The following FAM210A variants were observed in gnomAD, a reference collection of about 807,000 sequenced individuals.
FAM210A encodes the protein family with sequence similarity 210 member A.
In FAM210A, 13 loss-of-function variants were observed where a neutral mutation model predicts 25.3. The ratio of observed to expected loss-of-function variants is 0.51; its 90% CI spans 0.33 to 0.82. The LOEUF is 0.82. FAM210A is among the 40% of genes least tolerant of loss of function. FAM210A has a pLI of 0.02. For missense variants in FAM210A, 319 were observed against 323.2 expected (o/e 0.99, Z 0.10); for synonymous variants, 125 against 118.7 (o/e 1.05, Z -0.35).
At chr18:13,715,626 A>G (rs1317903682) in intron 1 of FAM210A, among the ~76,000 whole-genome samples, 1 of 152,224 alleles carries the variant, frequency 6.6e-6, no homozygotes, top group Non-Finnish European at 1.5e-5. Context: ...ACATTACAAC[A>G]TTTTCCATAT....
At chr18:13,696,800 A>C (rs1188996219) in intron 1 of FAM210A, among the ~76,000 whole-genome samples, 1 of 152,230 alleles carries the variant, frequency 6.6e-6, no homozygotes, top group Non-Finnish European at 1.5e-5. Flanking sequence ...TTACTAAATA[A>C]ATTTTTAAAA....
intron 1 of FAM210A, among the ~76,000 whole-genome samples, chr18:13,693,206 T>C (rs2043663498): frequency 6.6e-6 from 1 of 152,142 alleles, no homozygotes; most frequent in Non-Finnish European, 1.5e-5. Flanking sequence ...AGGAAGACAC[T>C]GAATCCCTGA....
intron 1 of FAM210A, among the ~76,000 whole-genome samples, chr18:13,695,058 T>C (rs567339212): frequency 1.6e-4 from 25 of 152,166 alleles, no homozygotes; most frequent in Non-Finnish European, 2.5e-4. Context: ...GCAAAGGATA[T>C]GAAAAGACAC....
Position 13,681,874 on chromosome 18 carries a change from C to T in FAM210A, c.204G>A (p.Arg68=), listed in dbSNP as rs1447648644. The stretch of plus-strand genomic sequence containing the variant: ...GGGGTGGATGAGCATCCAATGGCCT[C>T]CTTTCCTTTGCAACACACTGGGCAG... ...LSAAQCVAKE[R]RPLDAHPPQP... The change falls in exon 2 of 4, where the codon AGG becomes AGA. Residue 68 remains arginine (R), a synonymous_variant. Coordinates refer to ENST00000651643, the MANE Select transcript of FAM210A (RefSeq NM_152352.4). 6.2e-7 allele frequency: 1 copy of T among 1,614,180 alleles called. No homozygotes were observed. The highest frequency in any genetic ancestry group is 2.2e-5 in the East Asian group (1 of 44,890).
At chr18:13,684,176 C>T (rs1601948869) in intron 1 of FAM210A, among the ~76,000 whole-genome samples, 1 of 152,280 alleles carries the variant, frequency 6.6e-6, no homozygotes, top group East Asian at 1.9e-4. Context: ...GCAGGCACAT[C>T]ACCTGGTGAG....
rs2043391479 is a variant in FAM210A, at chr18:13,665,381, C to CAAAAATAAAAAAAAA, written c.*1098_*1099insTTTTTTTTTATTTTT. The CAAAAATAAAAAAAAA allele has an allele frequency of 1.6e-5, 1 of 63,704 alleles. No individual in the cohort carries two copies. Among genetic ancestry groups the CAAAAATAAAAAAAAA allele is most frequent in the South Asian group, 6.2e-4 (1 of 1,616 alleles). 3.9% of individuals were successfully genotyped at this position (63,704 alleles called of 1,614,324 possible). On this transcript the variant is annotated 3_prime_UTR_variant, in exon 4 of 4. Coordinates refer to ENST00000651643, the MANE Select transcript of FAM210A (RefSeq NM_152352.4). The stretch of plus-strand genomic sequence containing the variant: ...GGAGAGAGAGAGGGAGGCTCCGTCT[C>CAAAAATAAAAAAAAA]AAAAAAAAAAAAAAAAAAAAAAAAA...
At chr18:13,677,833 G>A (rs1623331) in intron 2 of FAM210A, among the ~76,000 whole-genome samples, 135,455 of 152,044 alleles carry the variant, frequency 0.89, 60,438 homozygotes, top group East Asian at 0.95. Flanking sequence ...TAACGGTAGC[G>A]GTAAACTCTT....
In FAM210A at chr18:13,666,413, G is replaced by A. The variant is rs377046472; in HGVS notation, c.*67C>T. On this transcript the variant is annotated 3_prime_UTR_variant, in exon 4 of 4. Coordinates refer to ENST00000651643, the MANE Select transcript of FAM210A (RefSeq NM_152352.4). ...TAACCAAAAAAATAATCAGACACAT[G>A]TATCTTTGCCCATAGTTTCCAAAGG... 7.9e-7 allele frequency: 1 copy of A among 1,269,424 alleles called. No homozygotes were observed. The highest frequency in any genetic ancestry group is 1.5e-5 in the African/African-American group (1 of 67,290). The allele number at this position is 1,269,424 out of a possible 1,614,324, so 78.6% of individuals were successfully genotyped here.
intron 1 of FAM210A, among the ~76,000 whole-genome samples, chr18:13,711,499 C>G (rs1359124157): frequency 6.6e-6 from 1 of 152,176 alleles, no homozygotes; most frequent in Non-Finnish European, 1.5e-5. Flanking sequence ...CAGCAAGGAG[C>G]TTCTATTGAT....
chr18:13,725,187 G>A (rs1009375704), intron 1 of FAM210A, among the ~76,000 whole-genome samples: 4 of 152,156 alleles, frequency 2.6e-5, no homozygotes, highest in African/African-American at 7.2e-5. Flanking sequence ...TAATTGCCTG[G>A]TTCTAATGCT....
chr18:13,688,186 C>T (rs2043612705), intron 1 of FAM210A, among the ~76,000 whole-genome samples: 1 of 152,128 alleles, frequency 6.6e-6, no homozygotes, highest in African/African-American at 2.4e-5. Flanking sequence ...CTGGCAAAAC[C>T]CCACCTTTGA....
At chr18:13,675,088 A>T (rs1375636445) in intron 2 of FAM210A, among the ~76,000 whole-genome samples, 1 of 65,074 alleles carries the variant, frequency 1.5e-5, no homozygotes, top group Non-Finnish European at 2.8e-5. Context: ...CATTATTTCC[A>T]GTTTCCTGAT....
At chr18:13,691,160 T>C (rs1002631811) in intron 1 of FAM210A, among the ~76,000 whole-genome samples, 13 of 152,090 alleles carry the variant, frequency 8.5e-5, no homozygotes, top group Admixed American at 2.6e-4. Context: ...GTATCAGTGA[T>C]TGAAGATCAA....
At chr18:13,718,696 G>A (rs1009770779) in intron 1 of FAM210A, among the ~76,000 whole-genome samples, 8 of 151,992 alleles carry the variant, frequency 5.3e-5, no homozygotes, top group Admixed American at 4.6e-4. Context: ...TAAATTTATT[G>A]TTACTAGTTA....
chr18:13,681,948 T>G lies in FAM210A; in HGVS notation c.130A>C (p.Lys44Gln). 6.2e-7 allele frequency: 1 copy of G among 1,614,154 alleles called. No homozygotes were observed. The highest frequency in any genetic ancestry group is 8.5e-7 in the Non-Finnish European group (1 of 1,180,022). Residue 44 changes from lysine to glutamine, a missense_variant, in exon 2 of 4, where the codon AAA becomes CAA. Transcript: ENST00000651643. ...GPLLLYNAES[K>Q]VVLVQGPQKQ... ...TGAGGGCCTTGTACCAAAACCACTT[T>G]GGATTCAGCATTGTATAAAAGTAAA...
At position 13,665,424 on chromosome 18, in the gene FAM210A, A is replaced by C. The variant is rs1207322935; in HGVS notation, c.*1056T>G. ...AAAAAAAAATCAAGTAGAATGCTCAAACAAGGATATTTCCCTTCAATGTAA... is the reference window on the plus strand; with the variant it reads ...AAAAAAAAATCAAGTAGAATGCTCACACAAGGATATTTCCCTTCAATGTAA... On this transcript the variant is annotated 3_prime_UTR_variant, in exon 4 of 4. Coordinates refer to ENST00000651643, the MANE Select transcript of FAM210A (RefSeq NM_152352.4). 2 of 151,352 alleles carry C rather than the reference A, an allele frequency of 1.3e-5. No individual in the cohort carries two copies. Among genetic ancestry groups the C allele is most frequent in the Non-Finnish European group, 2.9e-5 (2 of 67,866 alleles). The allele number at this position is 151,352 out of a possible 1,614,324, so 9.4% of individuals were successfully genotyped here.
intron 1 of FAM210A, among the ~76,000 whole-genome samples, chr18:13,704,018 T>G (rs757683671): frequency 1.3e-5 from 2 of 152,144 alleles, no homozygotes; most frequent in African/African-American, 2.4e-5. Flanking sequence ...ACTAGTTGTT[T>G]AAAAAGAGGC....
intron 1 of FAM210A, among the ~76,000 whole-genome samples, chr18:13,723,010 T>C (rs932320844): frequency 6.6e-6 from 1 of 152,134 alleles, no homozygotes; most frequent in Non-Finnish European, 1.5e-5. Flanking sequence ...CTTTACCCAG[T>C]ACAGTTAAAA....
intron 1 of FAM210A, among the ~76,000 whole-genome samples, chr18:13,698,693 C>T (rs1410125861): frequency 6.6e-6 from 1 of 152,106 alleles, no homozygotes; most frequent in East Asian, 1.9e-4. Flanking sequence ...AGGTAAAGGC[C>T]CAACTGAAGG....
Sources: gnomAD v4.1 joint callset for allele counts (sites outside exome capture counted in the v4.1 genomes callset) on GRCh38, gnomAD v4.1.1 for gene constraint, MANE v1.5 for transcripts, NCBI Gene and HGNC (gene_info 2026-07-23, HGNC 2026-07-21) for gene names.